Variants in TDO2 observed in about 807,000 individuals in gnomAD.
TDO2 encodes tryptophan 2,3-dioxygenase, also known as tryptamin 2,3-dioxygenase.
Under a neutral mutation model 61.2 loss-of-function variants are expected in TDO2, and 63 were observed. The ratio of observed to expected loss-of-function variants is 1.03; its 90% CI spans 0.84 to 1.27. TDO2 has a LOEUF of 1.27. Among genes scored for constraint, TDO2 ranks in the 50% most tolerant of loss-of-function variants. The probability of loss-of-function intolerance (pLI) is 0.00; values close to 1 mark genes in which losing one functional copy is unlikely to be tolerated. For synonymous variants in TDO2, 183 were observed against 164.0 expected (o/e 1.12, Z -0.89); for missense variants, 494 against 469.5 (o/e 1.05, Z -0.48).
At chr4:155,909,937 C>T (rs562569513) in intron 5 of TDO2, 88 bp from the exon 6 acceptor site, 69 of 58,330 alleles carry the variant, frequency 1.2e-3, no homozygotes, top group Non-Finnish European at 1.9e-3. Context: ...CCCCTCCCCT[C>T]TCCCCTCCCC....
At chr4:155,907,459 T>C (rs1742738331) in intron 3 of TDO2, 2 of 365,628 alleles carry the variant, frequency 5.5e-6, no homozygotes, top group East Asian at 9.5e-5. Context: ...TAAAAATGCA[T>C]TTGTTGAGAG....
rs1444925497 is a variant in TDO2, at chr4:155,911,487, T to C, written c.619-10T>C. 6.3e-6 allele frequency: 10 copies of C among 1,598,192 alleles called. No individual in the cohort carries two copies. The Admixed American group carries it at 1.7e-4, about 27-fold the overall frequency. On this transcript the variant is annotated splice_polypyrimidine_tract_variant and intron_variant, in intron 6 of 11. Coordinates refer to ENST00000536354, the MANE Select transcript of TDO2 (RefSeq NM_005651.4). The stretch of plus-strand genomic sequence containing the variant: ...CCATGTACTCACTTAAAAAATAATG[T>C]TTATTTAAGGCATGGCTGGAAAGAA...
intron 6 of TDO2, among the ~76,000 whole-genome samples, chr4:155,910,586 G>A (rs891411888): frequency 1.3e-5 from 2 of 152,020 alleles, no homozygotes; most frequent in African/African-American, 4.8e-5. Context: ...AAAATTTCCA[G>A]TTATTTAGTA....
chr4:155,914,345 A>G lies in TDO2; in HGVS notation c.749A>G (p.Lys250Arg). 1.2e-6 allele frequency: 2 copies of G among 1,608,662 alleles called. No individual in the cohort carries two copies. ...AAGGCTAAAGAAGAGTCTGAAGAAA[A>G]AGAGGAACAGGTGGCTGAATTTCAG... ...RIQAKEESEE[K>R]EEQVAEFQKQ... Residue 250 changes from lysine to arginine, a missense_variant, in exon 8 of 12, where the codon AAA (lysine) becomes AGA (arginine). By Grantham distance (26) the Lys-to-Arg change is conservative. Coordinates refer to ENST00000536354, the MANE Select transcript of TDO2 (RefSeq NM_005651.4).
chr4:155,916,325 G>A (rs1249955823), intron 9 of TDO2, among the ~76,000 whole-genome samples: 21 of 140,770 alleles, frequency 1.5e-4, no homozygotes, highest in African/African-American at 5.2e-4. Flanking sequence ...CCACCACCAC[G>A]CCAGGCTAAT....
chr4:155,905,081 G>T lies in TDO2; in HGVS notation c.156G>T (p.Leu52Phe). Residue 52 changes from leucine to phenylalanine, a missense_variant, in exon 3 of 12, where the codon TTG becomes TTT. By Grantham distance (22) the Leu-to-Phe change is conservative. Transcript: ENST00000536354. ...YGNYLHLEKV[L>F]NAQELQSETK... Reference sequence around the variant, plus strand: ...TTCATTTCAAGTTGGAAAAAGTTTTGAATGCACAAGAACTGCAAAGTGAAA... The same window carrying T: ...TTCATTTCAAGTTGGAAAAAGTTTTTAATGCACAAGAACTGCAAAGTGAAA... The T allele has an allele frequency of 6.3e-7, 1 of 1,585,394 alleles. No individual in the cohort carries two copies. Among genetic ancestry groups the T allele is most frequent in the Non-Finnish European group, 8.5e-7 (1 of 1,169,792 alleles).
At chr4:155,909,296 A>C (rs1742775280) in intron 5 of TDO2, among the ~76,000 whole-genome samples, 1 of 152,236 alleles carries the variant, frequency 6.6e-6, no homozygotes. Flanking sequence ...TAGCACATTG[A>C]CTAAAATAGC....
intron 3 of TDO2, chr4:155,906,343 T>C (rs1742719050): frequency 6.6e-6 from 1 of 152,190 alleles, no homozygotes; most frequent in South Asian, 2.1e-4. Context: ...AAAAAAGATA[T>C]ACATAAACTG....
chr4:155,910,961 A>G (rs1223897695), intron 6 of TDO2, among the ~76,000 whole-genome samples: 5 of 152,114 alleles, frequency 3.3e-5, no homozygotes, highest in Admixed American at 3.3e-4. Context: ...ACAGAGGTAC[A>G]TGAATTTAGT....
Position 155,919,930 on chromosome 4 carries a change from A to C in TDO2, c.1161A>C (p.Lys387Asn). ...WIPKMNPTIH[K>N]FLYTAEYCDS... ...CGAAGATGAACCCAACCATTCACAA[A>C]TTTCTATATACAGCAGAATACTGTG... Residue 387 changes from lysine (K) to asparagine (N), a missense_variant, in exon 12 of 12, where the codon AAA becomes AAC. By Grantham distance (94) the Lys-to-Asn change is moderately conservative. Coordinates refer to ENST00000536354, the MANE Select transcript of TDO2 (RefSeq NM_005651.4). 6.2e-7 allele frequency: 1 copy of C among 1,613,680 alleles called. No individual in the cohort carries two copies. The highest frequency in any genetic ancestry group is 8.5e-7 in the Non-Finnish European group (1 of 1,179,726).
intron 7 of TDO2, among the ~76,000 whole-genome samples, chr4:155,913,580 A>G (rs1742876923): frequency 6.6e-6 from 1 of 152,164 alleles, no homozygotes; most frequent in Non-Finnish European, 1.5e-5. Flanking sequence ...TTCCTACCAG[A>G]TAATTCCTGT....
chr4:155,907,913 C>G (rs1185236068), intron 4 of TDO2, 121 bp downstream of exon 4: 2 of 687,080 alleles, frequency 2.9e-6, no homozygotes, highest in African/African-American at 3.7e-5. Flanking sequence ...ATAGAACAAA[C>G]AGACATTTTA....
At chr4:155,905,916 A>G (rs1417147312) in intron 3 of TDO2, 1 of 152,158 alleles carries the variant, frequency 6.6e-6, no homozygotes, top group African/African-American at 2.4e-5. Context: ...ACTCTGGTAA[A>G]GAAATTAAAA....
rs780830309 is a variant in TDO2 at position 155,905,101 on chromosome 4, G to A, written c.176G>A (p.Ser59Asn). The A allele has an allele frequency of 9.4e-6, 15 of 1,600,026 alleles. No individual in the cohort carries two copies. The highest frequency in any genetic ancestry group is 1.3e-5 in the African/African-American group (1 of 74,200). ...EKVLNAQELQSETKGNKIHDE... is the reference protein window; with the variant it reads ...EKVLNAQELQNETKGNKIHDE... ...GTTTTGAATGCACAAGAACTGCAAA[G>A]TGAAACAAAAGGAAATAAAATCCAT... The change falls in exon 3 of 12, where the codon AGT becomes AAT. Residue 59 changes from serine (S) to asparagine (N), a missense_variant. Coordinates refer to ENST00000536354, the MANE Select transcript of TDO2 (RefSeq NM_005651.4).
chr4:155,913,134 C>T (rs1418061034), intron 7 of TDO2, among the ~76,000 whole-genome samples: 1 of 152,144 alleles, frequency 6.6e-6, no homozygotes, highest in African/African-American at 2.4e-5. Context: ...CCCCCACCTT[C>T]CCAGTATGCC....
At chr4:155,903,980 AAGCACT>A in intron 1 of TDO2, 32 bp from the exon 2 acceptor site, 1 of 1,581,840 alleles carries the variant, frequency 6.3e-7, no homozygotes, top group Non-Finnish European at 8.7e-7. Context: ...GTGTTTTCTA[AAGCACT>A]ATTTTTCCCT....
chr4:155,913,912 A>G (rs1742883174), intron 7 of TDO2, among the ~76,000 whole-genome samples: 1 of 152,134 alleles, frequency 6.6e-6, no homozygotes, highest in African/African-American at 2.4e-5. Flanking sequence ...TGAATATAGA[A>G]CATAGAATTT....
In TDO2 at chr4:155,917,396, G is replaced by A. The variant is rs1426184204; in HGVS notation, c.898G>A (p.Glu300Lys). 2 of 1,605,580 alleles carry A rather than the reference G, an allele frequency of 1.2e-6. No homozygotes were observed. The highest frequency in any genetic ancestry group is 1.7e-6 in the Non-Finnish European group (2 of 1,176,798). The change falls in exon 10 of 12, where the codon GAA (glutamate) becomes AAA (lysine). Residue 300 changes from glutamate to lysine, a missense_variant and splice_region_variant. Transcript: ENST00000536354. Reference protein sequence around the residue: ...QGALMIYFYREEPRFQVPFQL... With the variant: ...QGALMIYFYRKEPRFQVPFQL... ...CTTTTTCTTCTTTTTTTCCTTTAGG[G>A]AAGAGCCTAGGTTCCAGGTGCCTTT...
chr4:155,916,937 G>A (rs1213576211), intron 9 of TDO2, among the ~76,000 whole-genome samples: 2 of 151,586 alleles, frequency 1.3e-5, no homozygotes, highest in Non-Finnish European at 1.5e-5. Flanking sequence ...GCTGAGAAAG[G>A]TGAAGAAATA....
Sources: gnomAD v4.1 joint callset for allele counts (sites outside exome capture counted in the v4.1 genomes callset) on GRCh38, gnomAD v4.1.1 for gene constraint, MANE v1.5 for transcripts, NCBI Gene and HGNC (gene_info 2026-07-23, HGNC 2026-07-21) for gene names.